Variants in NAV2 observed in about 807,000 individuals in gnomAD.
The protein encoded by NAV2 is helicase, APC down-regulated 1.
NAV2 carries 54 observed loss-of-function variants against 223.2 expected under a neutral mutation model. That is an observed-to-expected ratio of 0.24 (90% CI 0.19 to 0.30). NAV2 has a LOEUF of 0.30. Ranked by LOEUF, NAV2 falls within the 10% of genes least tolerant of loss-of-function variation. The pLI, the probability that NAV2 is intolerant of heterozygous loss-of-function variation, is 1.00. For missense variants in NAV2, 2,806 were observed against 3,147.5 expected (o/e 0.89, Z 2.60); for synonymous variants, 1,279 against 1,239.3 (o/e 1.03, Z -0.67).
At chr11:20,039,120 C>T (rs1200230094) in intron 12 of NAV2, among the ~76,000 whole-genome samples, 1 of 152,150 alleles carries the variant, frequency 6.6e-6, no homozygotes, top group African/African-American at 2.4e-5. Context: ...GCAACTCCTC[C>T]AGGAGAGCTG....
intron 6 of NAV2, among the ~76,000 whole-genome samples, chr11:19,900,203 C>G (rs568172704): frequency 7.1e-6 from 1 of 140,052 alleles, no homozygotes; most frequent in Admixed American, 7.4e-5. Flanking sequence ...GTTAGACCAC[C>G]TGTTGAGGCT....
At chr11:19,800,672 GGTGTGTGTGTGTGTGT>G (rs142402876) in intron 1 of NAV2, among the ~76,000 whole-genome samples, 1 of 145,846 alleles carries the variant, frequency 6.9e-6, no homozygotes, top group Non-Finnish European at 1.5e-5. Flanking sequence ...AAGGAGAATG[GGTGTGTGTGTGTGTGT>G]GTGTGTGTGT....
At chr11:19,625,584 G>C (rs1422871053) in intron 1 of NAV2, among the ~76,000 whole-genome samples, 1 of 152,136 alleles carries the variant, frequency 6.6e-6, no homozygotes, top group Non-Finnish European at 1.5e-5. Context: ...CAGGATTGCT[G>C]AATCATATGG....
chr11:19,620,572 G>T (rs2046960489), intron 1 of NAV2, among the ~76,000 whole-genome samples: 1 of 152,086 alleles, frequency 6.6e-6, no homozygotes, highest in Admixed American at 6.5e-5. Flanking sequence ...GTCTGTTGTT[G>T]GTGTATAGGA....
chr11:19,482,294 T>A (rs2042304310), intron 1 of NAV2, among the ~76,000 whole-genome samples: 1 of 152,170 alleles, frequency 6.6e-6, no homozygotes, highest in Non-Finnish European at 1.5e-5. Flanking sequence ...AAGATGAATT[T>A]CCTCCATGGA....
chr11:19,452,370 A>G lies in NAV2; in HGVS notation c.75+101343A>G, dbSNP rs115526034. 5.3e-3 allele frequency among the ~76,000 whole-genome samples: 814 copies of G among 152,306 alleles called. 8 individuals are homozygous for G. The highest frequency in any genetic ancestry group is 0.019 in the African/African-American group (788 of 41,562). On this transcript the variant is annotated intron_variant, in intron 1 of 37. Transcript: ENST00000360655. ...AAGACACAGCTGACAGGTTGGGAAG[A>G]TGACCATAAACAAATGACCATATTG...
At chr11:19,518,848 G>A (rs2043549243) in intron 1 of NAV2, among the ~76,000 whole-genome samples, 1 of 152,154 alleles carries the variant, frequency 6.6e-6, no homozygotes, top group Non-Finnish European at 1.5e-5. Flanking sequence ...GGATTAGGAG[G>A]CGGGGCCTTT....
intron 20 of NAV2, 108 bp downstream of exon 20, chr11:20,062,467 TTATA>T: frequency 1.2e-6 from 1 of 804,012 alleles, no homozygotes; most frequent in Non-Finnish European, 2.0e-6. Flanking sequence ...AGCATTTCCA[TTATA>T]AGGGGATCAA....
intron 1 of NAV2, among the ~76,000 whole-genome samples, chr11:19,662,319 G>A (rs929983674): frequency 6.6e-6 from 1 of 152,218 alleles, no homozygotes; most frequent in African/African-American, 2.4e-5. Context: ...GCCGTTTGCT[G>A]TGGTCAGAGT....
chr11:19,581,612 G>A (rs1590597526), intron 1 of NAV2, among the ~76,000 whole-genome samples: 2 of 152,116 alleles, frequency 1.3e-5, no homozygotes, highest in African/African-American at 4.8e-5. Flanking sequence ...GAGAACATGC[G>A]GTATTTGGTT....
chr11:19,460,053 C>T (rs1852099556), intron 1 of NAV2, among the ~76,000 whole-genome samples: 1 of 152,212 alleles, frequency 6.6e-6, no homozygotes, highest in African/African-American at 2.4e-5. Context: ...CTTAACCTTT[C>T]TTTGCCTCAG....
At chr11:19,519,675 C>T (rs945831375) in intron 1 of NAV2, 3 of 152,264 alleles carry the variant, frequency 2.0e-5, no homozygotes, top group Non-Finnish European at 2.9e-5. Flanking sequence ...CCCAGCATGT[C>T]AATGCACCAT....
At chr11:19,940,481 C>G (rs1182795584) in intron 8 of NAV2, among the ~76,000 whole-genome samples, 2 of 152,112 alleles carry the variant, frequency 1.3e-5, no homozygotes, top group East Asian at 3.9e-4. Context: ...TCTCTTTTCC[C>G]CATTCCAAAA....
chr11:20,048,663 C>T (rs1204182974), intron 14 of NAV2, 65 bp from the exon 15 acceptor site: 25 of 1,400,274 alleles, frequency 1.8e-5, no homozygotes, highest in Middle Eastern at 1.8e-4. Flanking sequence ...CCCTACCCTT[C>T]TTTAACAGTC....
intron 1 of NAV2, among the ~76,000 whole-genome samples, chr11:19,522,706 TAGG>T (rs1345615588): frequency 2.6e-5 from 4 of 152,180 alleles, no homozygotes; most frequent in Non-Finnish European, 5.9e-5. Context: ...TTTTTCTGCA[TAGG>T]AGAAAAATCA....
intron 1 of NAV2, among the ~76,000 whole-genome samples, chr11:19,674,447 C>G (rs983476405): frequency 1.4e-4 from 21 of 152,122 alleles, no homozygotes; most frequent in African/African-American, 4.8e-4. Flanking sequence ...TTATAAGCAA[C>G]GAGCCCCAAA....
At chr11:19,612,169 A>G (rs1304096612) in intron 1 of NAV2, among the ~76,000 whole-genome samples, 1 of 152,202 alleles carries the variant, frequency 6.6e-6, no homozygotes, top group African/African-American at 2.4e-5. Flanking sequence ...GCTGGAACAC[A>G]GGGTGCCAAG....
chr11:20,075,046 A>T (rs1029569264), intron 22 of NAV2, among the ~76,000 whole-genome samples: 1 of 152,144 alleles, frequency 6.6e-6, no homozygotes, highest in African/African-American at 2.4e-5. Context: ...TTGCAATATG[A>T]GGATAGTAAA....
intron 1 of NAV2, among the ~76,000 whole-genome samples, chr11:19,462,320 A>G (rs1276345201): frequency 1.3e-5 from 2 of 152,056 alleles, no homozygotes; most frequent in Non-Finnish European, 2.9e-5. Context: ...AGGTACAACT[A>G]CTCCTAATTC....
Sources: allele counts gnomAD v4.1 joint callset (sites outside exome capture counted in the v4.1 genomes callset), GRCh38; gene constraint gnomAD v4.1.1; transcripts MANE v1.5; gene names NCBI Gene and HGNC (gene_info 2026-07-23, HGNC 2026-07-21).